CACNG3: variants seen among roughly 807,000 people sequenced by gnomAD.
CACNG3 encodes voltage-dependent calcium channel gamma-3 subunit.
CACNG3 carries 3 observed loss-of-function variants against 28.5 expected under a neutral mutation model. That is an observed-to-expected ratio of 0.11 (90% CI 0.05 to 0.27). The LOEUF (loss-of-function observed/expected upper bound fraction) is 0.27, where lower values mean the gene tolerates loss of function less well. CACNG3 is among the 10% of genes least tolerant of loss of function. CACNG3 has a pLI of 1.00. For missense variants in CACNG3, 236 were observed against 414.4 expected, an observed-to-expected ratio of 0.57 and a Z score of 3.74; for synonymous variants, 174 against 162.2, an observed-to-expected ratio of 1.07 and a Z score of -0.55.
chr16:24,318,006 C>T (rs1567217838), intron 1 of CACNG3, among the ~76,000 whole-genome samples: 1 of 152,148 alleles, frequency 6.6e-6, no homozygotes, highest in Non-Finnish European at 1.5e-5. Context: ...CCCAGATGCC[C>T]CTTCTCTGAG....
chr16:24,350,033 G>T (rs1010295366), intron 2 of CACNG3, among the ~76,000 whole-genome samples: 1 of 151,020 alleles, frequency 6.6e-6, no homozygotes, highest in Non-Finnish European at 1.5e-5. Flanking sequence ...GCTCCATATA[G>T]TTTGGGGGGA....
chr16:24,354,993 C>T lies in CACNG3; in HGVS notation c.436+20C>T. 6.2e-7 allele frequency: 1 copy of T among 1,604,070 alleles called. No homozygotes were observed. Among genetic ancestry groups the T allele is most frequent in the Non-Finnish European group, 8.5e-7 (1 of 1,174,118 alleles). ...CTGCAGGTGAGTGTCTGGCCCCAGCCCTGAGATCTTCACAGATACCAAACT... is the reference window on the plus strand; with the variant it reads ...CTGCAGGTGAGTGTCTGGCCCCAGCTCTGAGATCTTCACAGATACCAAACT... On this transcript the variant is annotated intron_variant, in intron 3 of 3. Coordinates refer to ENST00000005284, the MANE Select transcript of CACNG3 (RefSeq NM_006539.4).
At chr16:24,306,406 G>A (rs1899186257) in intron 1 of CACNG3, among the ~76,000 whole-genome samples, 1 of 152,200 alleles carries the variant, frequency 6.6e-6, no homozygotes, top group Non-Finnish European at 1.5e-5. Flanking sequence ...GCAAGAGTAT[G>A]GGGTAACAAA....
chr16:24,311,796 G>A (rs1596638082), intron 1 of CACNG3, among the ~76,000 whole-genome samples: 1 of 152,262 alleles, frequency 6.6e-6, no homozygotes, highest in South Asian at 2.1e-4. Context: ...GTGGAGGTGA[G>A]CCCATATTGT....
At chr16:24,272,608 G>T (rs1898705258) in intron 1 of CACNG3, among the ~76,000 whole-genome samples, 1 of 151,846 alleles carries the variant, frequency 6.6e-6, no homozygotes, top group Admixed American at 6.6e-5. Context: ...GTGTCCTAGA[G>T]ATCTTCCTAC....
At chr16:24,302,077 T>A (rs141413960) in intron 1 of CACNG3, among the ~76,000 whole-genome samples, 69 of 152,318 alleles carry the variant, frequency 4.5e-4, no homozygotes, top group African/African-American at 1.6e-3. Flanking sequence ...ATCCCCATGC[T>A]CAGAACCCGT....
At chr16:24,278,141 G>A (rs1012590025) in intron 1 of CACNG3, among the ~76,000 whole-genome samples, 1 of 152,218 alleles carries the variant, frequency 6.6e-6, no homozygotes, top group African/African-American at 2.4e-5. Context: ...TTGGAGTATG[G>A]AAGGTAGTAT....
intron 1 of CACNG3, among the ~76,000 whole-genome samples, chr16:24,274,330 G>C (rs1898727007): frequency 6.6e-6 from 1 of 152,118 alleles, no homozygotes; most frequent in Admixed American, 6.5e-5. Flanking sequence ...ATAAAAAGGG[G>C]GGATTGTCAT....
At chr16:24,298,377 T>C (rs1226993577) in intron 1 of CACNG3, among the ~76,000 whole-genome samples, 9 of 152,194 alleles carry the variant, frequency 5.9e-5, no homozygotes, top group African/African-American at 1.4e-4. Context: ...GTATTTAGTT[T>C]GCTCCCAATT....
intron 1 of CACNG3, among the ~76,000 whole-genome samples, chr16:24,294,628 C>T (rs531036550): frequency 7.2e-5 from 11 of 152,086 alleles, no homozygotes; most frequent in African/African-American, 2.4e-4. Context: ...CTCAAACTCC[C>T]GGCCTCAAGC....
In CACNG3 at chr16:24,354,936, C is replaced by G; in HGVS notation, c.399C>G (p.Asn133Lys). 1 of 1,612,734 alleles carries G rather than the reference C, an allele frequency of 6.2e-7. No individual in the cohort carries two copies. The highest frequency in any genetic ancestry group is 8.5e-7 in the Non-Finnish European group (1 of 1,180,016). Residue 133 changes from asparagine to lysine, a missense_variant, in exon 3 of 4, where the codon AAC (asparagine) becomes AAG (lysine). Coordinates refer to ENST00000005284, the MANE Select transcript of CACNG3 (RefSeq NM_006539.4). ...AASEFHRSRHNVILSAGIFFV... is the reference protein window; with the variant it reads ...AASEFHRSRHKVILSAGIFFV... Reference sequence around the variant, plus strand: ...GTGAGTTCCACCGCAGCAGACACAACGTCATTCTCAGCGCGGGCATCTTTT... The same window carrying G: ...GTGAGTTCCACCGCAGCAGACACAAGGTCATTCTCAGCGCGGGCATCTTTT...
chr16:24,276,244 T>G (rs571221809), intron 1 of CACNG3, among the ~76,000 whole-genome samples: 5 of 152,356 alleles, frequency 3.3e-5, no homozygotes, highest in East Asian at 3.9e-4. Context: ...AAAATATAGT[T>G]ATTTTTATAC....
chr16:24,337,808 C>T (rs1204224566), intron 1 of CACNG3, among the ~76,000 whole-genome samples: 2 of 151,536 alleles, frequency 1.3e-5, no homozygotes, highest in Admixed American at 1.3e-4. Context: ...CTCAAGGTTA[C>T]TCCCTACCCT....
intron 1 of CACNG3, among the ~76,000 whole-genome samples, chr16:24,314,931 C>A (rs1342874084): frequency 6.6e-6 from 1 of 152,086 alleles, no homozygotes; most frequent in Non-Finnish European, 1.5e-5. Context: ...CTGTGAATCC[C>A]TTGGGCCACT....
At chr16:24,274,476 C>T (rs1898729515) in intron 1 of CACNG3, among the ~76,000 whole-genome samples, 1 of 152,198 alleles carries the variant, frequency 6.6e-6, no homozygotes. Flanking sequence ...AGAATCTACT[C>T]ATCTGCATTG....
At chr16:24,340,583 C>T (rs1010916203) in intron 1 of CACNG3, among the ~76,000 whole-genome samples, 6 of 152,074 alleles carry the variant, frequency 3.9e-5, no homozygotes, top group African/African-American at 7.2e-5. Context: ...AAAGAGTATC[C>T]GCTTAAGGAC....
intron 3 of CACNG3, among the ~76,000 whole-genome samples, chr16:24,358,868 C>A (rs531572526): frequency 6.6e-6 from 1 of 152,062 alleles, no homozygotes; most frequent in Non-Finnish European, 1.5e-5. Flanking sequence ...TGTCTGTTTC[C>A]CCATCTGTAA....
chr16:24,284,863 C>A (rs188621170), intron 1 of CACNG3, among the ~76,000 whole-genome samples: 52 of 148,174 alleles, frequency 3.5e-4, no homozygotes, highest in Non-Finnish European at 6.1e-4. Flanking sequence ...GATTAACTAG[C>A]TTGCCATTTT....
At chr16:24,265,369 AAAAAGAAAGAAAG>A (rs1272745584) in intron 1 of CACNG3, among the ~76,000 whole-genome samples, 1 of 150,778 alleles carries the variant, frequency 6.6e-6, no homozygotes, top group African/African-American at 2.5e-5. Context: ...GAAAGAAAGA[AAAAAGAAAGAAAG>A]AAAAGAAAGA....
Sources: gnomAD v4.1 joint callset for allele counts (sites outside exome capture counted in the v4.1 genomes callset) on GRCh38, gnomAD v4.1.1 for gene constraint, MANE v1.5 for transcripts, NCBI Gene and HGNC (gene_info 2026-07-23, HGNC 2026-07-21) for gene names.